Variants in ANXA3 observed in about 807,000 individuals in gnomAD.
ANXA3 encodes the protein annexin A3, also known as 35-alpha calcimedin.
A neutral mutation model predicts 48.8 loss-of-function variants in ANXA3; 46 were observed. The ratio of observed to expected loss-of-function variants is 0.94; its 90% CI spans 0.74 to 1.21. ANXA3 has a LOEUF of 1.21. ANXA3 is among the 50% of genes most tolerant of loss of function. ANXA3 has a pLI of 0.00. For missense variants in ANXA3, 383 were observed against 378.6 expected, an observed-to-expected ratio of 1.01 and a Z score of -0.10; for synonymous variants, 128 against 134.7, an observed-to-expected ratio of 0.95 and a Z score of 0.35.
chr4:78,567,580 A>G (rs1578392690), intron 2 of ANXA3, among the ~76,000 whole-genome samples: 1 of 152,350 alleles, frequency 6.6e-6, no homozygotes, highest in Non-Finnish European at 1.5e-5. Flanking sequence ...TCTTCAACAA[A>G]GAACAGTAAA....
chr4:78,577,098 G>A (rs1560444480), intron 3 of ANXA3, among the ~76,000 whole-genome samples: 1 of 152,126 alleles, frequency 6.6e-6, no homozygotes, highest in Non-Finnish European at 1.5e-5. Flanking sequence ...AGCCAAGGGG[G>A]TGACATGATC....
At chr4:78,556,969 C>T (rs1282887996) in intron 2 of ANXA3, among the ~76,000 whole-genome samples, 2 of 152,148 alleles carry the variant, frequency 1.3e-5, no homozygotes, top group South Asian at 2.1e-4. Context: ...AAACAACATC[C>T]ATTTATTATC....
At chr4:78,592,085 G>A (rs1485840318) in intron 7 of ANXA3, among the ~76,000 whole-genome samples, 1 of 152,040 alleles carries the variant, frequency 6.6e-6, no homozygotes, top group East Asian at 1.9e-4. Flanking sequence ...TCAGTCTCAG[G>A]ATTAAAAAAA....
In ANXA3 at chr4:78,582,221, G is replaced by C. The variant is rs1165195466; in HGVS notation, c.243G>C (p.Glu81Asp). ...DLKGDLSGHF[E>D]HLMVALVTPP... ...AGGGTGATCTCTCTGGCCACTTTGA[G>C]CATCTCATGGTGGCCCTAGTGACTC... is the stretch of plus-strand genomic sequence containing the variant. Residue 81 changes from glutamate (E) to aspartate (D), a missense_variant, in exon 5 of 13, where the codon GAG becomes GAC. Coordinates refer to ENST00000264908, the MANE Select transcript of ANXA3 (RefSeq NM_005139.3). The C allele has an allele frequency of 1.2e-6, 2 of 1,613,548 alleles. No individual in the cohort carries two copies. The highest frequency in any genetic ancestry group is 1.7e-6 in the Non-Finnish European group (2 of 1,179,658).
chr4:78,564,762 TAGAG>T (rs1184902600), intron 2 of ANXA3, among the ~76,000 whole-genome samples: 2 of 152,132 alleles, frequency 1.3e-5, no homozygotes, highest in South Asian at 2.1e-4. Context: ...TCATTCCAGT[TAGAG>T]AGAACAACAC....
chr4:78,554,560 G>A, intron 2 of ANXA3, 72 bp downstream of exon 2: 1 of 1,418,350 alleles, frequency 7.1e-7, no homozygotes, highest in Non-Finnish European at 9.9e-7. Flanking sequence ...GGTCAAGATA[G>A]CAAGGAAAAT....
chr4:78,554,368 G>C, intron 1 of ANXA3, 68 bp from the exon 2 acceptor site: 1 of 1,106,470 alleles, frequency 9.0e-7, no homozygotes. Context: ...AAGATTAAGG[G>C]TTGGACTAAG....
At chr4:78,580,980 G>A (rs1218191088) in intron 4 of ANXA3, among the ~76,000 whole-genome samples, 1 of 152,138 alleles carries the variant, frequency 6.6e-6, no homozygotes, top group Non-Finnish European at 1.5e-5. Context: ...GAGGTGGAGG[G>A]GAACAACCAT....
chr4:78,578,038 G>A (rs1722992083), intron 3 of ANXA3, among the ~76,000 whole-genome samples: 1 of 151,884 alleles, frequency 6.6e-6, no homozygotes, highest in Admixed American at 6.6e-5. Flanking sequence ...CGGCACTTTG[G>A]AAGGCTGAGG....
intron 4 of ANXA3, among the ~76,000 whole-genome samples, chr4:78,579,339 A>G (rs1723027791): frequency 6.6e-6 from 1 of 152,086 alleles, no homozygotes; most frequent in Non-Finnish European, 1.5e-5. Context: ...CAGTTTCTTC[A>G]CCTGTAGGAT....
chr4:78,608,784 T>C (rs905831187), intron 12 of ANXA3, among the ~76,000 whole-genome samples: 7 of 152,164 alleles, frequency 4.6e-5, no homozygotes, highest in African/African-American at 1.7e-4. Context: ...AGTTTGGTTT[T>C]ACATGTATTG....
intron 2 of ANXA3, among the ~76,000 whole-genome samples, chr4:78,563,750 T>C (rs1722673252): frequency 6.6e-6 from 1 of 152,206 alleles, no homozygotes; most frequent in Non-Finnish European, 1.5e-5. Flanking sequence ...CCAAGGGCCA[T>C]TTAAGAAGAT....
chr4:78,574,934 A>C (rs1372717358), intron 3 of ANXA3, among the ~76,000 whole-genome samples: 1 of 152,230 alleles, frequency 6.6e-6, no homozygotes, highest in Admixed American at 6.5e-5. Context: ...AAATTTTGCC[A>C]TACTGCTCTC....
intron 11 of ANXA3, 33 bp downstream of exon 11, chr4:78,601,601 G>A (rs745590025): frequency 4.4e-5 from 69 of 1,584,706 alleles, no homozygotes; most frequent in South Asian, 2.6e-4. Flanking sequence ...CATTCTTAGC[G>A]TCCCTTAATT....
At chr4:78,595,497 AT>A in intron 8 of ANXA3, 60 bp downstream of exon 8, 1 of 1,550,604 alleles carries the variant, frequency 6.4e-7, no homozygotes, top group East Asian at 2.3e-5. Flanking sequence ...CTGCCTTTGC[AT>A]TTATGTGAAA....
At chr4:78,560,373 C>T (rs527580941) in intron 2 of ANXA3, among the ~76,000 whole-genome samples, 1 of 152,226 alleles carries the variant, frequency 6.6e-6, no homozygotes, top group Non-Finnish European at 1.5e-5. Context: ...AAAGAATTCC[C>T]TAGAATGATT....
At chr4:78,560,652 CCT>C (rs1314714011) in intron 2 of ANXA3, among the ~76,000 whole-genome samples, 2 of 152,180 alleles carry the variant, frequency 1.3e-5, no homozygotes, top group East Asian at 3.8e-4. Flanking sequence ...ATATCCAGCC[CCT>C]CTTTCCTCCT....
chr4:78,595,314 T>C lies in ANXA3; in HGVS notation c.484-67T>C, dbSNP rs914460195. ...AAAAACCACTAAGATCCCCTGCTGGTTGAAGTACTATGTGTTAGAATCTTC... is the reference window on the plus strand; with the variant it reads ...AAAAACCACTAAGATCCCCTGCTGGCTGAAGTACTATGTGTTAGAATCTTC... On this transcript the variant is annotated intron_variant, in intron 7 of 12. Coordinates refer to ENST00000264908, the MANE Select transcript of ANXA3 (RefSeq NM_005139.3). 3.9e-6 allele frequency: 6 copies of C among 1,544,570 alleles called. No homozygotes were observed. The African/African-American group carries it at 8.2e-5, about 21-fold the overall frequency.
At chr4:78,586,213 T>G in intron 5 of ANXA3, 47 bp from the exon 6 acceptor site, 2 of 1,467,384 alleles carry the variant, frequency 1.4e-6, no homozygotes, top group Non-Finnish European at 1.9e-6. Flanking sequence ...GGCATGAGAT[T>G]AAGTTATTTA....
Sources: gnomAD v4.1 joint callset for allele counts (sites outside exome capture counted in the v4.1 genomes callset) on GRCh38, gnomAD v4.1.1 for gene constraint, MANE v1.5 for transcripts, NCBI Gene and HGNC (gene_info 2026-07-23, HGNC 2026-07-21) for gene names.